NCK1: variants seen among roughly 807,000 people sequenced by gnomAD.
NCK1 encodes NCK adaptor protein 1.
A neutral mutation model predicts 36.6 loss-of-function variants in NCK1; 19 were observed. The ratio of observed to expected loss-of-function variants is 0.52; its 90% CI spans 0.36 to 0.76. The LOEUF is 0.76. Among genes scored for constraint, NCK1 ranks in the 30% least tolerant of loss-of-function variants. The pLI is 0.00. For synonymous variants in NCK1, 165 were observed against 156.0 expected, an observed-to-expected ratio of 1.06 and a Z score of -0.43; for missense variants, 358 against 445.6, an observed-to-expected ratio of 0.80 and a Z score of 1.77.
At chr3:136,890,077 C>T (rs532490362) in intron 1 of NCK1, among the ~76,000 whole-genome samples, 32 of 152,250 alleles carry the variant, frequency 2.1e-4, no homozygotes, top group Non-Finnish European at 3.7e-4. Context: ...GAGGCTCGGG[C>T]GGCACAGCAG....
At chr3:136,878,646 A>G (rs1257280152) in intron 1 of NCK1, among the ~76,000 whole-genome samples, 1 of 152,230 alleles carries the variant, frequency 6.6e-6, no homozygotes, top group East Asian at 1.9e-4. Flanking sequence ...AGACTAAAAC[A>G]TTGAATTGTA....
chr3:136,905,007 CTT>C (rs71304270), intron 1 of NCK1, among the ~76,000 whole-genome samples: 1 of 128,324 alleles, frequency 7.8e-6, no homozygotes, highest in African/African-American at 2.9e-5. Context: ...TTGGTTTTTC[CTT>C]TTTTTTTTTT....
At chr3:136,874,946 C>T (rs796610623) in intron 1 of NCK1, among the ~76,000 whole-genome samples, 6 of 152,228 alleles carry the variant, frequency 3.9e-5, no homozygotes, top group African/African-American at 1.4e-4. Flanking sequence ...CATTCTGATT[C>T]TTGATTGTAA....
At chr3:136,870,697 A>C (rs1301565285) in intron 1 of NCK1, among the ~76,000 whole-genome samples, 1 of 151,068 alleles carries the variant, frequency 6.6e-6, no homozygotes, top group African/African-American at 2.4e-5. Context: ...TAAAAAAAAA[A>C]AAAAAAAAAA....
At chr3:136,908,161 A>G (rs904710915) in intron 1 of NCK1, among the ~76,000 whole-genome samples, 22 of 152,212 alleles carry the variant, frequency 1.4e-4, no homozygotes, top group African/African-American at 4.8e-4. Context: ...GAAAAAAAGC[A>G]TGAGATTCTT....
chr3:136,889,136 CCCAT>C, intron 1 of NCK1: 1 of 139,510 alleles, frequency 7.2e-6, no homozygotes, highest in East Asian at 2.2e-4. Context: ...AAGTGATCTT[CCCAT>C]CTCTGCCTCC....
At chr3:136,884,912 T>C (rs1316196141) in intron 1 of NCK1, among the ~76,000 whole-genome samples, 1 of 151,290 alleles carries the variant, frequency 6.6e-6, no homozygotes, top group African/African-American at 2.4e-5. Flanking sequence ...GTAGAGATGG[T>C]TTTTCACCAC....
rs200798909 is a variant in NCK1 at position 136,892,505 on chromosome 3, TTGA to T, written c.-19+30158_-19+30160del. Among the ~76,000 whole-genome samples, 1,177 of 152,292 alleles carry T rather than the reference TTGA, an allele frequency of 7.7e-3. 16 individuals are homozygous for T. The highest frequency in any genetic ancestry group is 0.026 in the African/African-American group (1,089 of 41,544). ...GGATGTGATGCTGAAAGCAGAAATC[TTGA>T]TGATGTGGCCAAGTGCAAAGGAATA... On this transcript the variant is annotated intron_variant, in intron 1 of 3. Transcript: ENST00000481752.
intron 3 of NCK1, among the ~76,000 whole-genome samples, chr3:136,947,507 T>C (rs1267796453): frequency 6.6e-6 from 1 of 152,122 alleles, no homozygotes; most frequent in African/African-American, 2.4e-5. Flanking sequence ...CACAGTGTTT[T>C]TTAAACATTT....
intron 2 of NCK1, among the ~76,000 whole-genome samples, chr3:136,931,784 A>G (rs1022121276): frequency 6.6e-6 from 1 of 152,208 alleles, no homozygotes; most frequent in Non-Finnish European, 1.5e-5. Context: ...AGATTTAGTC[A>G]TAAGTGATGT....
intron 1 of NCK1, among the ~76,000 whole-genome samples, chr3:136,867,109 TTTCTTTCTTTGTTTCTTTCTTTCCTTCC>T (rs1381822037): frequency 0.099 from 3,184 of 32,246 alleles, 287 homozygotes; most frequent in Non-Finnish European, 0.12. Flanking sequence ...TCTTTCTTTC[TTTCTTTCTTTGTTTCTTTCTTTCCTTCC>T]TTCCTTCCTT....
In NCK1 at chr3:136,927,840, A is replaced by G. The variant is rs994985910; in HGVS notation, c.-18-144A>G. 6.0e-6 allele frequency: 4 copies of G among 662,528 alleles called. No individual in the cohort carries two copies. The Admixed American group carries it at 8.8e-5, about 15-fold the overall frequency. 41.0% of individuals were successfully genotyped at this position (662,528 alleles called of 1,614,324 possible). ...GGCCATACAGTCACAGTCTCTTTAA[A>G]TTACTATTTGCCTCATGTATTTTTT... is the stretch of plus-strand genomic sequence containing the variant. On this transcript the variant is annotated intron_variant, in intron 1 of 3. Transcript: ENST00000481752.
Position 136,947,467 on chromosome 3 carries a change from G to A in NCK1, c.940-792G>A, listed in dbSNP as rs139242747. ...AGCAGTATACTTTTTAAGGTTAGAGGTCTCAAGTAGGCATATTTTGTTTAG... is the reference window on the plus strand; with the variant it reads ...AGCAGTATACTTTTTAAGGTTAGAGATCTCAAGTAGGCATATTTTGTTTAG... On this transcript the variant is annotated intron_variant, in intron 3 of 3. Coordinates refer to ENST00000481752, the MANE Select transcript of NCK1 (RefSeq NM_001291999.2). 3.9e-3 allele frequency among the ~76,000 whole-genome samples: 591 copies of A among 152,162 alleles called. 2 individuals carry two copies. Among genetic ancestry groups the A allele is most frequent in the Middle Eastern group, 0.031 (9 of 294 alleles).
At chr3:136,875,572 G>A (rs186744592) in intron 1 of NCK1, among the ~76,000 whole-genome samples, 38 of 152,282 alleles carry the variant, frequency 2.5e-4, no homozygotes, top group Admixed American at 2.0e-3. Context: ...TTATGTAATG[G>A]TAAAGGGATC....
In NCK1 at chr3:136,867,101, T is replaced by C. The variant is rs866977836; in HGVS notation, c.-19+4748T>C. On this transcript the variant is annotated intron_variant, in intron 1 of 3. Coordinates refer to ENST00000481752, the MANE Select transcript of NCK1 (RefSeq NM_001291999.2). ...CTTTCTTTCTTTCTTTCTTTCTTTC[T>C]TTCTTTCTTTCTTTCTTTGTTTCTT... is the stretch of plus-strand genomic sequence containing the variant. Among the ~76,000 whole-genome samples, 127 of 33,296 alleles carry C rather than the reference T, an allele frequency of 3.8e-3. 3 individuals carry two copies. Among genetic ancestry groups the C allele is most frequent in the African/African-American group, 4.9e-3 (42 of 8,492 alleles). The allele number at this position is 33,296 out of a possible 152,430, so 21.8% of individuals were successfully genotyped here.
intron 3 of NCK1, chr3:136,946,924 TTTAGA>T (rs1404893726): frequency 1.3e-5 from 2 of 152,242 alleles, no homozygotes; most frequent in East Asian, 3.8e-4. Context: ...CATGGTCTCT[TTTAGA>T]TACTGCTTAG....
At chr3:136,888,323 C>T (rs749100401) in intron 1 of NCK1, among the ~76,000 whole-genome samples, 1 of 152,144 alleles carries the variant, frequency 6.6e-6, no homozygotes, top group Non-Finnish European at 1.5e-5. Context: ...ATATGATTCA[C>T]ATACTATACA....
intron 2 of NCK1, among the ~76,000 whole-genome samples, chr3:136,934,039 T>G (rs7611847): frequency 0.68 from 103,712 of 152,022 alleles, 35,667 homozygotes; most frequent in East Asian, 0.87. Context: ...TTAAACACCA[T>G]AAGCACTAGA....
At chr3:136,900,459 G>GA (rs1341537304) in intron 1 of NCK1, among the ~76,000 whole-genome samples, 4 of 151,992 alleles carry the variant, frequency 2.6e-5, no homozygotes, top group African/African-American at 9.7e-5. Context: ...CTATTTCTGT[G>GA]AAAAAAGACA....
Sources: gnomAD v4.1 joint callset for allele counts (sites outside exome capture counted in the v4.1 genomes callset) on GRCh38, gnomAD v4.1.1 for gene constraint, MANE v1.5 for transcripts, NCBI Gene and HGNC (gene_info 2026-07-23, HGNC 2026-07-21) for gene names.